The following NSUN7 variants were observed in gnomAD, a reference collection of about 807,000 sequenced individuals.
NSUN7 encodes protein NSUN7.
NSUN7 carries 39 observed loss-of-function variants against 58.5 expected under a neutral mutation model. The observed-to-expected ratio is 0.67, with a 90% confidence interval of 0.52 to 0.87. The LOEUF (loss-of-function observed/expected upper bound fraction) is 0.87. Ranked by LOEUF, NSUN7 falls within the 40% of genes least tolerant of loss-of-function variation. The pLI is 0.00. For missense variants in NSUN7, 765 were observed against 844.1 expected (o/e 0.91, Z 1.16); for synonymous variants, 278 against 303.7 (o/e 0.92, Z 0.88).
intron 2 of NSUN7, among the ~76,000 whole-genome samples, chr4:40,755,845 T>G (rs116105752): frequency 7.2e-5 from 11 of 152,332 alleles, no homozygotes; most frequent in African/African-American, 2.6e-4. Context: ...GACGCAAGCT[T>G]CCTATTTTCC....
Position 40,808,886 on chromosome 4 carries a change from C to T in NSUN7, c.2104C>T (p.Pro702Ser). The T allele has an allele frequency of 1.9e-6, 3 of 1,544,774 alleles. No individual in the cohort carries two copies. Among genetic ancestry groups the T allele is most frequent in the Non-Finnish European group, 2.6e-6 (3 of 1,146,476 alleles). ...CTCACTATCCAGAAAAGAGGAAAAG[C>T]CTAAAGATGACACACCTTCCTCCCT... is the stretch of plus-strand genomic sequence containing the variant. ...THSLSRKEEK[P>S]KDDTPSSLLR... Residue 702 changes from proline (P) to serine (S), a missense_variant, in exon 12 of 12, where the codon CCT becomes TCT. Pro to Ser is a moderately conservative substitution (Grantham distance 74). Transcript: ENST00000381782.
At chr4:40,793,838 ATATAT>A (rs1743203820) in intron 8 of NSUN7, among the ~76,000 whole-genome samples, 2 of 152,244 alleles carry the variant, frequency 1.3e-5, no homozygotes, top group Admixed American at 1.3e-4. Context: ...TTGTCAATAC[ATATAT>A]TTAAATTATT....
chr4:40,797,084 C>G (rs929232405), intron 9 of NSUN7, among the ~76,000 whole-genome samples: 5 of 152,122 alleles, frequency 3.3e-5, no homozygotes, highest in African/African-American at 1.2e-4. Flanking sequence ...GAAGTGGTCG[C>G]TTCCTCTCCC....
rs1743237728 is a variant in NSUN7, at chr4:40,794,571, G to A, written c.1282+95G>A. On this transcript the variant is annotated intron_variant, in intron 9 of 11. Coordinates refer to ENST00000381782, the MANE Select transcript of NSUN7 (RefSeq NM_024677.6). ...CTATTATAATCAAGCAATGAAGTGT[G>A]AGCCATGAGCACATTTTCCAGAACA... 1.5e-5 allele frequency: 10 copies of A among 661,220 alleles called. No homozygotes were observed. In the South Asian group the frequency reaches 2.2e-4, roughly 15 times the overall value. The allele number at this position is 661,220 out of a possible 1,614,324, so 41.0% of individuals were successfully genotyped here.
chr4:40,784,924 A>G (rs1249087547), intron 7 of NSUN7, among the ~76,000 whole-genome samples: 1 of 152,244 alleles, frequency 6.6e-6, no homozygotes, highest in Non-Finnish European at 1.5e-5. Flanking sequence ...AAGCTAACAT[A>G]TGTAGAACAC....
At chr4:40,790,475 A>G (rs1743028100) in intron 7 of NSUN7, 127 bp from the exon 8 acceptor site, 1 of 597,872 alleles carries the variant, frequency 1.7e-6, no homozygotes, top group Non-Finnish European at 2.8e-6. Flanking sequence ...CTTCTTTTCT[A>G]ACTACATCAA....
At position 40,810,372 on chromosome 4, in the gene NSUN7, C is replaced by T. The variant is rs975163259; in HGVS notation, c.*1433C>T. On this transcript the variant is annotated 3_prime_UTR_variant, in exon 12 of 12. Transcript: ENST00000381782. ...GCCACTTGAGCACCGGAGTTCCAGA[C>T]GAGCCTGGACAACATGGCGAAACCC... 2 of 151,964 alleles carry T rather than the reference C, an allele frequency of 1.3e-5. No individual in the cohort carries two copies. Among genetic ancestry groups the T allele is most frequent in the Non-Finnish European group, 2.9e-5 (2 of 67,988 alleles). 9.4% of individuals were successfully genotyped at this position (151,964 alleles called of 1,614,324 possible). A position where few individuals can be genotyped will look rare whatever the true frequency, so the allele number is the denominator to read the frequency against.
rs1453227877 is a variant in NSUN7 at position 40,776,227 on chromosome 4, TGAA to T, written c.1007_1009del (p.Lys336del). 3 of 1,607,678 alleles carry T rather than the reference TGAA, an allele frequency of 1.9e-6. No homozygotes were observed. Among genetic ancestry groups the T allele is most frequent in the African/African-American group, 2.7e-5 (2 of 74,926 alleles). ...CAATCACAAGCTAAGGATCCTGACT[TGAA>T]GACCCTTTTCACAAAAATAGGATGT... On this transcript the variant is annotated inframe_deletion, in exon 7 of 12. Coordinates refer to ENST00000381782, the MANE Select transcript of NSUN7 (RefSeq NM_024677.6).
chr4:40,785,096 G>A (rs1742746819), intron 7 of NSUN7, among the ~76,000 whole-genome samples: 1 of 152,122 alleles, frequency 6.6e-6, no homozygotes, highest in Non-Finnish European at 1.5e-5. Flanking sequence ...TAGTGCAGTG[G>A]TGTGATCCTG....
intron 11 of NSUN7, 41 bp from the exon 12 acceptor site, chr4:40,808,266 T>C (rs1365284520): frequency 1.2e-5 from 18 of 1,551,540 alleles, no homozygotes; most frequent in Non-Finnish European, 1.6e-5. Flanking sequence ...GACACAATAA[T>C]AGCTAACTCC....
intron 9 of NSUN7, among the ~76,000 whole-genome samples, chr4:40,798,011 C>T (rs899362018): frequency 1.3e-5 from 2 of 152,190 alleles, no homozygotes; most frequent in Non-Finnish European, 2.9e-5. Flanking sequence ...TGGCTGGTTC[C>T]TTATCTCCAT....
chr4:40,759,137 C>G (rs1741316833), intron 2 of NSUN7, among the ~76,000 whole-genome samples: 1 of 152,052 alleles, frequency 6.6e-6, no homozygotes. Flanking sequence ...TGGTGAAACC[C>G]TGTCTCTACT....
At chr4:40,799,690 T>C (rs1217216645) in intron 10 of NSUN7, among the ~76,000 whole-genome samples, 1 of 152,158 alleles carries the variant, frequency 6.6e-6, no homozygotes, top group African/African-American at 2.4e-5. Context: ...TATAACTACT[T>C]GTTGGGGATG....
rs1744024765 is a variant in NSUN7, at chr4:40,808,944, C to T, written c.*5C>T. The T allele has an allele frequency of 3.3e-6, 5 of 1,505,904 alleles. No individual in the cohort carries two copies. Among genetic ancestry groups the T allele is most frequent in the Admixed American group, 2.2e-5 (1 of 45,020 alleles). 93.3% of individuals were successfully genotyped at this position (1,505,904 alleles called of 1,614,324 possible). A position where few individuals can be genotyped will look rare whatever the true frequency, so the allele number is the denominator to read the frequency against. ...CCTCCTCGGCGATGGCTTTGATTGT[C>T]TTGTGTTTTTTATAGGGGCCAAAGA... is the stretch of plus-strand genomic sequence containing the variant. On this transcript the variant is annotated 3_prime_UTR_variant, in exon 12 of 12. Transcript: ENST00000381782.
Position 40,792,479 on chromosome 4 carries a change from C to T in NSUN7, c.1180+1734C>T, listed in dbSNP as rs149707487. ...GAAGTTGTCGTATACTGGCCGGGAG[C>T]GGTGGCTCACGCCTGTAATCCCAGC... On this transcript the variant is annotated intron_variant, in intron 8 of 11. Coordinates refer to ENST00000381782, the MANE Select transcript of NSUN7 (RefSeq NM_024677.6). 9.7e-4 allele frequency among the ~76,000 whole-genome samples: 148 copies of T among 152,232 alleles called. 1 individual carries two copies. The highest frequency in any genetic ancestry group is 2.6e-3 in the African/African-American group (106 of 41,564).
chr4:40,804,400 T>C (rs886481219), intron 10 of NSUN7, among the ~76,000 whole-genome samples: 13 of 151,198 alleles, frequency 8.6e-5, no homozygotes, highest in Non-Finnish European at 1.5e-4. Context: ...GATCACGCCA[T>C]TGCACTCCAG....
Position 40,808,963 on chromosome 4 carries a change from C to T in NSUN7, c.*24C>T. ...GATTGTCTTGTGTTTTTTATAGGGGCCAAAGAGCAGTTGATTTTTTTTCAA... is the reference window on the plus strand; with the variant it reads ...GATTGTCTTGTGTTTTTTATAGGGGTCAAAGAGCAGTTGATTTTTTTTCAA... On this transcript the variant is annotated 3_prime_UTR_variant, in exon 12 of 12. Transcript: ENST00000381782. The T allele has an allele frequency of 6.8e-7, 1 of 1,477,928 alleles. No homozygotes were observed. Among genetic ancestry groups the T allele is most frequent in the Non-Finnish European group, 8.9e-7 (1 of 1,118,006 alleles). The allele number at this position is 1,477,928 out of a possible 1,614,324, so 91.6% of individuals were successfully genotyped here.
In NSUN7 at chr4:40,792,458, T is replaced by C. The variant is rs142380364; in HGVS notation, c.1180+1713T>C. The stretch of plus-strand genomic sequence containing the variant: ...GGAGATGATAGGATAAGCTAAGAAG[T>C]TGTCGTATACTGGCCGGGAGCGGTG... On this transcript the variant is annotated intron_variant, in intron 8 of 11. Coordinates refer to ENST00000381782, the MANE Select transcript of NSUN7 (RefSeq NM_024677.6). Among the ~76,000 whole-genome samples the C allele has an allele frequency of 4.6e-5, 7 of 152,244 alleles. No individual in the cohort carries two copies. In the East Asian group the frequency reaches 1.2e-3, roughly 25 times the overall value.
chr4:40,763,669 G>T (rs1577548036), intron 4 of NSUN7, among the ~76,000 whole-genome samples: 1 of 152,252 alleles, frequency 6.6e-6, no homozygotes, highest in East Asian at 1.9e-4. Context: ...CAAAGGGCCT[G>T]GTTTAAGAGG....
Sources: allele counts gnomAD v4.1 joint callset (sites outside exome capture counted in the v4.1 genomes callset), GRCh38; gene constraint gnomAD v4.1.1; transcripts MANE v1.5; gene names NCBI Gene and HGNC (gene_info 2026-07-23, HGNC 2026-07-21).